Variants in ROBO1 observed in about 807,000 individuals in gnomAD.
ROBO1 encodes roundabout homolog 1.
In ROBO1, 149 loss-of-function variants were observed where a neutral mutation model predicts 195.9. The ratio of observed to expected loss-of-function variants is 0.76; its 90% CI spans 0.67 to 0.87. ROBO1 has a LOEUF of 0.87. ROBO1 is among the 40% of genes least tolerant of loss of function. The pLI, the probability that ROBO1 is intolerant of heterozygous loss-of-function variation, is 0.00. For synonymous variants in ROBO1, 816 were observed against 733.2 expected (o/e 1.11, Z -1.82); for missense variants, 1,933 against 2,068.3 (o/e 0.93, Z 1.27).
At chr3:79,206,171 C>T (rs2081862009) in intron 2 of ROBO1, among the ~76,000 whole-genome samples, 1 of 152,166 alleles carries the variant, frequency 6.6e-6, no homozygotes, top group Non-Finnish European at 1.5e-5. Flanking sequence ...TCCAGAGTAA[C>T]CACATGGTAT....
At chr3:79,090,280 G>A (rs1047764073) in intron 3 of ROBO1, among the ~76,000 whole-genome samples, 1 of 151,988 alleles carries the variant, frequency 6.6e-6, no homozygotes, top group Non-Finnish European at 1.5e-5. Flanking sequence ...TACGTGGAAA[G>A]GCAAGCCAAT....
At chr3:79,097,989 A>G (rs1158475060) in intron 3 of ROBO1, among the ~76,000 whole-genome samples, 1 of 151,764 alleles carries the variant, frequency 6.6e-6, no homozygotes, top group African/African-American at 2.4e-5. Flanking sequence ...ACTATCCAGA[A>G]AGCAGACACC....
At chr3:79,181,858 G>A (rs1313792955) in intron 2 of ROBO1, among the ~76,000 whole-genome samples, 3 of 151,104 alleles carry the variant, frequency 2.0e-5, no homozygotes, top group Non-Finnish European at 2.9e-5. Flanking sequence ...CCTGGGAGGT[G>A]GAGGCTGCAC....
chr3:79,187,416 T>C (rs1192836773), intron 2 of ROBO1, among the ~76,000 whole-genome samples: 1 of 152,062 alleles, frequency 6.6e-6, no homozygotes, highest in African/African-American at 2.4e-5. Context: ...TGTGCATTTC[T>C]GAAATACTAC....
rs1333746086 is a variant in ROBO1, at chr3:78,666,197, G to T, written c.1966+1686C>A. On this transcript the variant is annotated intron_variant, in intron 14 of 30. Transcript: ENST00000464233. ...TTTCTGAGGCTTCCCCAGCCATGCTGAACTGTGAGTCAATTAAACCTCTTT... is the reference window on the plus strand; with the variant it reads ...TTTCTGAGGCTTCCCCAGCCATGCTTAACTGTGAGTCAATTAAACCTCTTT... Among the ~76,000 whole-genome samples, 17 of 152,094 alleles carry T rather than the reference G, an allele frequency of 1.1e-4. 1 individual carries two copies. Among genetic ancestry groups the T allele is most frequent in the Admixed American group, 1.1e-3 (17 of 15,262 alleles).
intron 2 of ROBO1, among the ~76,000 whole-genome samples, chr3:79,273,508 T>C (rs2030757745): frequency 1.3e-5 from 2 of 151,764 alleles, no homozygotes; most frequent in African/African-American, 4.8e-5. Flanking sequence ...AAAAATCCTA[T>C]GACAGATACA....
intron 2 of ROBO1, among the ~76,000 whole-genome samples, chr3:79,227,775 G>A (rs899221538): frequency 2.6e-5 from 4 of 152,182 alleles, no homozygotes; most frequent in African/African-American, 9.6e-5. Flanking sequence ...AAACAAACGG[G>A]TCAATATACT....
intron 4 of ROBO1, among the ~76,000 whole-genome samples, chr3:78,747,145 C>T (rs1459912631): frequency 1.3e-5 from 2 of 152,122 alleles, no homozygotes; most frequent in Non-Finnish European, 2.9e-5. Flanking sequence ...TATTCCGCTG[C>T]TTAGTGCCCT....
chr3:79,587,188 G>C (rs953155898), intron 2 of ROBO1, among the ~76,000 whole-genome samples: 4 of 151,212 alleles, frequency 2.6e-5, no homozygotes, highest in Non-Finnish European at 4.4e-5. Flanking sequence ...CATAATAGCA[G>C]TTTTAAAAAT....
At chr3:78,865,612 C>A (rs1439295711) in intron 4 of ROBO1, among the ~76,000 whole-genome samples, 1 of 151,686 alleles carries the variant, frequency 6.6e-6, no homozygotes, top group African/African-American at 2.4e-5. Context: ...GCTGGGATTA[C>A]AGGTGCCTGC....
intron 1 of ROBO1, among the ~76,000 whole-genome samples, chr3:79,754,437 C>G (rs1576322130): frequency 6.6e-6 from 1 of 152,254 alleles, no homozygotes; most frequent in East Asian, 1.9e-4. Flanking sequence ...TGAACTATAA[C>G]TTGTTCAACT....
chr3:79,484,336 G>A (rs946885552), intron 2 of ROBO1, among the ~76,000 whole-genome samples: 9 of 152,158 alleles, frequency 5.9e-5, no homozygotes, highest in East Asian at 1.9e-4. Flanking sequence ...AGAACCCTGC[G>A]GAAAAATTCA....
At chr3:78,599,188 G>A (rs1044599228) in intron 30 of ROBO1, among the ~76,000 whole-genome samples, 1 of 152,098 alleles carries the variant, frequency 6.6e-6, no homozygotes, top group African/African-American at 2.4e-5. Flanking sequence ...AAGCGGGAAG[G>A]AATGTGTTGA....
chr3:78,842,898 C>G (rs1037561444), intron 4 of ROBO1, among the ~76,000 whole-genome samples: 3 of 151,792 alleles, frequency 2.0e-5, no homozygotes, highest in African/African-American at 7.3e-5. Context: ...TTCAAAAGGA[C>G]ATTTATACCA....
At chr3:78,914,251 G>C (rs1427531434) in intron 4 of ROBO1, among the ~76,000 whole-genome samples, 2 of 151,884 alleles carry the variant, frequency 1.3e-5, no homozygotes, top group African/African-American at 4.8e-5. Context: ...AATCATAAAG[G>C]CTATATAAAC....
intron 3 of ROBO1, among the ~76,000 whole-genome samples, chr3:79,010,786 A>G (rs1399782436): frequency 6.6e-6 from 1 of 152,190 alleles, no homozygotes; most frequent in East Asian, 1.9e-4. Flanking sequence ...CTTGTGTTCA[A>G]TCTGAATTCA....
At chr3:79,734,160 C>T (rs540264795) in intron 1 of ROBO1, among the ~76,000 whole-genome samples, 2 of 152,188 alleles carry the variant, frequency 1.3e-5, no homozygotes, top group East Asian at 3.9e-4. Context: ...GTTGGTCAGG[C>T]TGGTCTCAAA....
chr3:79,725,718 TAAG>T (rs1702894581), intron 1 of ROBO1, among the ~76,000 whole-genome samples: 1 of 152,182 alleles, frequency 6.6e-6, no homozygotes, highest in Non-Finnish European at 1.5e-5. Flanking sequence ...GTCTCACAGT[TAAG>T]AAAATTTTGT....
intron 1 of ROBO1, among the ~76,000 whole-genome samples, chr3:79,750,524 C>T (rs1432605724): frequency 5.9e-5 from 9 of 152,150 alleles, no homozygotes; most frequent in Admixed American, 5.9e-4. Context: ...TTGTAACTCC[C>T]ACAATTCCAG....
Sources: gnomAD v4.1 joint callset for allele counts (sites outside exome capture counted in the v4.1 genomes callset) on GRCh38, gnomAD v4.1.1 for gene constraint, MANE v1.5 for transcripts, NCBI Gene and HGNC (gene_info 2026-07-23, HGNC 2026-07-21) for gene names.